ARHGAP18: variants seen among roughly 807,000 people sequenced by gnomAD.
ARHGAP18 encodes rho GTPase-activating protein 18.
In ARHGAP18, 67 loss-of-function variants were observed where a neutral mutation model predicts 86.2. The observed-to-expected ratio is 0.78, with a 90% CI of 0.64 to 0.95. The LOEUF is 0.95. Ranked by LOEUF, ARHGAP18 falls within the 40% of genes least tolerant of loss-of-function variation. The pLI, the probability that ARHGAP18 is intolerant of heterozygous loss-of-function variation, is 0.00. For missense variants in ARHGAP18, 691 were observed against 780.4 expected (o/e 0.89, Z 1.37); for synonymous variants, 283 against 280.4 (o/e 1.01, Z -0.09).
chr6:129,578,715 C>A, intron 14 of ARHGAP18, 111 bp from the exon 15 acceptor site: 2 of 885,460 alleles, frequency 2.3e-6, no homozygotes, highest in Non-Finnish European at 3.3e-6. Flanking sequence ...AATACTTATT[C>A]TACTTTGGGA....
intron 5 of ARHGAP18, among the ~76,000 whole-genome samples, chr6:129,625,786 A>ATATTATATAT (rs1349917411): frequency 4.3e-5 from 1 of 23,450 alleles, no homozygotes; most frequent in Non-Finnish European, 9.7e-5. Flanking sequence ...TATATATATA[A>ATATTATATAT]TATATATTTT....
intron 1 of ARHGAP18, among the ~76,000 whole-genome samples, chr6:129,667,905 G>A (rs72986972): frequency 6.6e-6 from 1 of 152,148 alleles, no homozygotes; most frequent in African/African-American, 2.4e-5. Context: ...AAAAGCAAGG[G>A]AAGAAAGCAT....
At chr6:129,708,827 A>G (rs1195723845) in intron 1 of ARHGAP18, among the ~76,000 whole-genome samples, 1 of 152,250 alleles carries the variant, frequency 6.6e-6, no homozygotes, top group Admixed American at 6.5e-5. Context: ...TCTTGATTTA[A>G]TGATTTAACA....
At chr6:129,677,527 A>C in intron 1 of ARHGAP18, among the ~76,000 whole-genome samples, 1 of 152,196 alleles carries the variant, frequency 6.6e-6, no homozygotes, top group Non-Finnish European at 1.5e-5. Context: ...ACTTTCACTG[A>C]GTATACCAAT....
At position 129,668,784 on chromosome 6, in the gene ARHGAP18, C is replaced by G. The variant is rs527873402; in HGVS notation, c.114-26766G>C. Among the ~76,000 whole-genome samples the G allele has an allele frequency of 4.4e-3, 669 of 152,314 alleles. 3 individuals carry two copies. The highest frequency in any genetic ancestry group is 0.015 in the African/African-American group (631 of 41,562). ...TAAACGTCTACCATGTTGTGCACTG[C>G]TCTTCTCCAACACTCACTGAATGAC... On this transcript the variant is annotated intron_variant, in intron 1 of 14. Coordinates refer to ENST00000368149, the MANE Select transcript of ARHGAP18 (RefSeq NM_033515.3).
At chr6:129,689,200 A>G (rs1027230314) in intron 1 of ARHGAP18, among the ~76,000 whole-genome samples, 5 of 152,198 alleles carry the variant, frequency 3.3e-5, no homozygotes, top group African/African-American at 1.2e-4. Context: ...AAAGACACCA[A>G]GGAGAAACCT....
At chr6:129,692,003 A>G (rs1774537920) in intron 1 of ARHGAP18, among the ~76,000 whole-genome samples, 1 of 152,202 alleles carries the variant, frequency 6.6e-6, no homozygotes, top group Admixed American at 6.5e-5. Context: ...CTTCCTCAGC[A>G]CTGACACAGC....
chr6:129,679,298 T>C (rs1053345974), intron 1 of ARHGAP18, among the ~76,000 whole-genome samples: 1 of 152,228 alleles, frequency 6.6e-6, no homozygotes, highest in Non-Finnish European at 1.5e-5. Flanking sequence ...TTATTATTCA[T>C]AGCAAAACTG....
chr6:129,691,182 T>C (rs1774521655), intron 1 of ARHGAP18, among the ~76,000 whole-genome samples: 1 of 152,174 alleles, frequency 6.6e-6, no homozygotes, highest in South Asian at 2.1e-4. Flanking sequence ...AGGAAGTGAA[T>C]GACCCCCAAA....
At chr6:129,618,123 A>G (rs950743965) in intron 6 of ARHGAP18, among the ~76,000 whole-genome samples, 13 of 152,122 alleles carry the variant, frequency 8.5e-5, no homozygotes, top group Non-Finnish European at 1.8e-4. Context: ...CAAAAAAAAA[A>G]AACCACTCCA....
intron 5 of ARHGAP18, among the ~76,000 whole-genome samples, chr6:129,622,348 C>A (rs1007883830): frequency 6.6e-6 from 1 of 151,992 alleles, no homozygotes; most frequent in African/African-American, 2.4e-5. Flanking sequence ...TTTTTTTAAG[C>A]CCTAAATGTT....
chr6:129,684,198 A>T (rs1774385795), intron 1 of ARHGAP18, among the ~76,000 whole-genome samples: 1 of 152,224 alleles, frequency 6.6e-6, no homozygotes. Flanking sequence ...AGAGGAAATG[A>T]TGCATGCGAT....
At chr6:129,675,383 CAAAAAAAAA>C (rs71664105) in intron 1 of ARHGAP18, among the ~76,000 whole-genome samples, 2 of 90,640 alleles carry the variant, frequency 2.2e-5, no homozygotes, top group African/African-American at 7.4e-5. Flanking sequence ...GACTCCATCT[CAAAAAAAAA>C]AAAAAAAAAG....
chr6:129,578,549 TG>T lies in ARHGAP18; in HGVS notation c.1955del (p.Pro652GlnfsTer7). On this transcript the variant is annotated frameshift_variant, in exon 15 of 15. Transcript: ENST00000368149. LOFTEE classifies it high-confidence loss of function. ...TTGACTTTATAACCCACTCAGCATTTGGGTTAAGCTGATATAAATCCTTCAT... is the reference window on the plus strand; with the variant it reads ...TTGACTTTATAACCCACTCAGCATTTGGTTAAGCTGATATAAATCCTTCAT... Reference protein sequence around the residue: ...TYMKDLYQLNPNAEWVIKSKP... With the variant: ...TYMKDLYQLNXNAEWVIKSKP... 1 of 1,612,676 alleles carries T rather than the reference TG, an allele frequency of 6.2e-7. No individual in the cohort carries two copies. The highest frequency in any genetic ancestry group is 1.1e-5 in the South Asian group (1 of 90,916).
intron 12 of ARHGAP18, among the ~76,000 whole-genome samples, chr6:129,584,958 A>C (rs1193808073): frequency 6.6e-6 from 1 of 151,924 alleles, no homozygotes; most frequent in African/African-American, 2.4e-5. Flanking sequence ...AGGTTTACTT[A>C]CCCAGTAATA....
Position 129,710,158 on chromosome 6 carries a change from T to C in ARHGAP18, c.-22A>G, listed in dbSNP as rs767787696. ...TCATGGTGAGAGAAGGGACATACTT[T>C]CTGCGATCCTGACACAGAGAAGGGG... On this transcript the variant is annotated 5_prime_UTR_variant, in exon 1 of 15. Transcript: ENST00000368149. The C allele has an allele frequency of 1.1e-5, 17 of 1,575,468 alleles. No homozygotes were observed. The highest frequency in any genetic ancestry group is 3.7e-4 in the Middle Eastern group (2 of 5,344).
intron 1 of ARHGAP18, among the ~76,000 whole-genome samples, chr6:129,684,502 A>AT (rs1339436824): frequency 2.0e-5 from 3 of 152,222 alleles, no homozygotes; most frequent in Non-Finnish European, 4.4e-5. Context: ...TCTATTGAGA[A>AT]TGTTGTCTTG....
At chr6:129,698,520 T>C (rs1399834969) in intron 1 of ARHGAP18, among the ~76,000 whole-genome samples, 1 of 148,498 alleles carries the variant, frequency 6.7e-6, no homozygotes, top group African/African-American at 2.5e-5. Flanking sequence ...TATAGCAGCA[T>C]GGTGTTAAAG....
intron 1 of ARHGAP18, among the ~76,000 whole-genome samples, chr6:129,699,948 A>G (rs1306882468): frequency 6.6e-6 from 1 of 152,214 alleles, no homozygotes; most frequent in Non-Finnish European, 1.5e-5. Context: ...TATGTATTCT[A>G]TAGATGAGGA....
Sources: allele counts gnomAD v4.1 joint callset (sites outside exome capture counted in the v4.1 genomes callset), GRCh38; gene constraint gnomAD v4.1.1; transcripts MANE v1.5; gene names NCBI Gene and HGNC (gene_info 2026-07-23, HGNC 2026-07-21).